RASA1: variants seen among roughly 807,000 people sequenced by gnomAD.
RASA1 encodes RAS p21 protein activator 1.
RASA1 carries 25 observed loss-of-function variants against 132.2 expected under a neutral mutation model. The ratio of observed to expected loss-of-function variants is 0.19; its 90% confidence interval spans 0.14 to 0.26. The LOEUF is 0.26. Ranked by LOEUF, RASA1 falls within the 10% of genes least tolerant of loss-of-function variation. The pLI is 1.00. For missense variants in RASA1, 964 were observed against 1,299.2 expected (o/e 0.74, Z 3.97); for synonymous variants, 477 against 449.9 (o/e 1.06, Z -0.76).
intron 1 of RASA1, among the ~76,000 whole-genome samples, chr5:87,291,269 C>A (rs1400114659): frequency 6.6e-6 from 1 of 152,112 alleles, no homozygotes; most frequent in African/African-American, 2.4e-5. Context: ...GTGACTCATA[C>A]CTATAATCCC....
At chr5:87,366,379 C>T (rs1350056792) in intron 11 of RASA1, 4 of 428,582 alleles carry the variant, frequency 9.3e-6, no homozygotes, top group African/African-American at 2.0e-5. Flanking sequence ...TCTGTTGGCA[C>T]AATCAAAAGA....
At chr5:87,336,967 G>C (rs1758019651) in intron 4 of RASA1, among the ~76,000 whole-genome samples, 1 of 152,072 alleles carries the variant, frequency 6.6e-6, no homozygotes, top group African/African-American at 2.4e-5. Flanking sequence ...AATGAAGCTT[G>C]AGATAGCATA....
chr5:87,376,572 A>G lies in RASA1; in HGVS notation c.2184+7A>G. On this transcript the variant is annotated splice_region_variant and intron_variant, in intron 16 of 24. Transcript: ENST00000274376. ...GTACAGTGAATTTAAAGAGGTATTA[A>G]ATTATTTATCAGTCTTGTTTTTGTT... 1 of 1,611,072 alleles carries G rather than the reference A, an allele frequency of 6.2e-7. No individual in the cohort carries two copies. The highest frequency in any genetic ancestry group is 8.5e-7 in the Non-Finnish European group (1 of 1,177,336).
intron 1 of RASA1, 54 bp downstream of exon 1, chr5:87,269,044 G>A: frequency 6.2e-7 from 1 of 1,614,184 alleles, no homozygotes; most frequent in Non-Finnish European, 8.5e-7. Context: ...GAAAAGAAGT[G>A]GAAATGAAGG....
In RASA1 at chr5:87,309,610, A is replaced by T. The variant is rs554748499; in HGVS notation, c.540-21738A>T. On this transcript the variant is annotated intron_variant, in intron 1 of 24. Transcript: ENST00000274376. ...GATACTGTAAACAGCCACAGTGATG[A>T]TCCTTTCTTGTGTTATGTGAGCACA... Among the ~76,000 whole-genome samples the T allele has an allele frequency of 2.6e-5, 4 of 152,096 alleles. No homozygotes were observed. The South Asian group carries it at 8.3e-4, about 32-fold the overall frequency.
At chr5:87,314,045 T>C (rs1227155398) in intron 1 of RASA1, among the ~76,000 whole-genome samples, 2 of 152,176 alleles carry the variant, frequency 1.3e-5, no homozygotes, top group African/African-American at 4.8e-5. Context: ...GGCACATGCC[T>C]GTAATCCCAG....
At chr5:87,379,991 T>C in intron 19 of RASA1, 141 bp downstream of exon 19, 2 of 897,708 alleles carry the variant, frequency 2.2e-6, no homozygotes, top group South Asian at 1.7e-5. Context: ...ATGAGATGAA[T>C]TGTATTTAAA....
intron 24 of RASA1, 26 bp downstream of exon 24, chr5:87,389,553 CAA>C (rs1172025198): frequency 4.3e-6 from 7 of 1,611,100 alleles, no homozygotes; most frequent in Non-Finnish European, 5.9e-6. Context: ...CCTTCATTAA[CAA>C]TGATGTTTCA....
intron 12 of RASA1, 104 bp from the exon 13 acceptor site, chr5:87,372,014 A>G: frequency 1.1e-6 from 1 of 876,690 alleles, no homozygotes; most frequent in Non-Finnish European, 1.8e-6. Flanking sequence ...ATGGCAGTCT[A>G]GAGAAGGAAA....
At position 87,285,029 on chromosome 5, in the gene RASA1, G is replaced by A. The variant is rs1470899209; in HGVS notation, c.539+16039G>A. Among the ~76,000 whole-genome samples the A allele has an allele frequency of 2.8e-5, 4 of 143,314 alleles. No homozygotes were observed. The Admixed American group carries it at 2.8e-4, about 10-fold the overall frequency. The allele number at this position is 143,314 out of a possible 152,430, so 94.0% of individuals were successfully genotyped here. The stretch of plus-strand genomic sequence containing the variant: ...CTTTTAAAGTGCTGCGGAGATAATG[G>A]TACCATTTATTTATTTATTTATTTA... On this transcript the variant is annotated intron_variant, in intron 1 of 24. Coordinates refer to ENST00000274376, the MANE Select transcript of RASA1 (RefSeq NM_002890.3).
intron 1 of RASA1, among the ~76,000 whole-genome samples, chr5:87,323,557 ATAAG>A (rs1465674541): frequency 1.3e-5 from 2 of 152,222 alleles, no homozygotes; most frequent in Non-Finnish European, 1.5e-5. Flanking sequence ...AAGAAATTCC[ATAAG>A]TAAGGTAGTA....
intron 1 of RASA1, among the ~76,000 whole-genome samples, chr5:87,280,415 C>T (rs936589238): frequency 5.9e-5 from 9 of 151,964 alleles, no homozygotes; most frequent in Non-Finnish European, 7.4e-5. Flanking sequence ...CAGGTTCAAG[C>T]GATTTTCCTG....
intron 23 of RASA1, among the ~76,000 whole-genome samples, 154 bp downstream of exon 23, chr5:87,387,057 A>G (rs1160245550): frequency 2.0e-5 from 3 of 152,160 alleles, no homozygotes; most frequent in African/African-American, 4.8e-5. Context: ...AACAAAAAAC[A>G]TATTTTTGTT....
At chr5:87,353,820 A>G (rs1439384958) in intron 9 of RASA1, among the ~76,000 whole-genome samples, 1 of 152,106 alleles carries the variant, frequency 6.6e-6, no homozygotes, top group Non-Finnish European at 1.5e-5. Flanking sequence ...GCCTTGAGCA[A>G]GAGAGCCTGT....
chr5:87,335,419 G>GTTTTTTTTTTTTTTTTTTTTTTTTTTTTT, intron 4 of RASA1, among the ~76,000 whole-genome samples: 1 of 72,890 alleles, frequency 1.4e-5, no homozygotes, highest in Non-Finnish European at 2.4e-5. Flanking sequence ...AAAGAATGAG[G>GTTTTTTTTTTTTTTTTTTTTTTTTTTTTT]TTTTTTTTTT....
At chr5:87,336,284 T>C (rs935096617) in intron 4 of RASA1, among the ~76,000 whole-genome samples, 1 of 152,072 alleles carries the variant, frequency 6.6e-6, no homozygotes, top group African/African-American at 2.4e-5. Flanking sequence ...AATTTGAATA[T>C]GGTAAATATC....
chr5:87,361,687 A>G, intron 9 of RASA1, among the ~76,000 whole-genome samples: 1 of 152,186 alleles, frequency 6.6e-6, no homozygotes, highest in Non-Finnish European at 1.5e-5. Flanking sequence ...CTATAATGTA[A>G]CATATGCATT....
intron 5 of RASA1, among the ~76,000 whole-genome samples, chr5:87,338,704 G>A (rs1425171623): frequency 8.7e-5 from 13 of 150,116 alleles, no homozygotes; most frequent in African/African-American, 2.7e-4. Context: ...TTTTTTTGCC[G>A]TCCTTTTCTT....
intron 1 of RASA1, among the ~76,000 whole-genome samples, chr5:87,307,165 G>A (rs1179548635): frequency 6.6e-6 from 1 of 152,022 alleles, no homozygotes; most frequent in Non-Finnish European, 1.5e-5. Context: ...ACTTTGCCCA[G>A]CCCGTTAGTC....
Sources: allele counts gnomAD v4.1 joint callset (sites outside exome capture counted in the v4.1 genomes callset), GRCh38; gene constraint gnomAD v4.1.1; transcripts MANE v1.5; gene names NCBI Gene and HGNC (gene_info 2026-07-23, HGNC 2026-07-21).